The following ULK4 variants were observed in gnomAD, a reference collection of about 807,000 sequenced individuals.
ULK4 encodes the protein inactive serine/threonine-protein kinase ULK4.
In ULK4, 133 loss-of-function variants were observed where a neutral mutation model predicts 160.6. That is an observed-to-expected ratio of 0.83 (90% confidence interval 0.72 to 0.96). The LOEUF is 0.96. Among genes scored for constraint, ULK4 ranks in the 40% least tolerant of loss-of-function variants. ULK4 has a pLI of 0.00. For synonymous variants in ULK4, 534 were observed against 539.8 expected, an observed-to-expected ratio of 0.99 and a Z score of 0.15; for missense variants, 1,580 against 1,499.5, an observed-to-expected ratio of 1.05 and a Z score of -0.89.
At chr3:41,667,787 G>A (rs1459851746) in intron 29 of ULK4, among the ~76,000 whole-genome samples, 4 of 152,150 alleles carry the variant, frequency 2.6e-5, no homozygotes, top group Non-Finnish European at 5.9e-5. Context: ...GATCCAGGCA[G>A]GAAAGACCAT....
intron 3 of ULK4, chr3:41,937,170 T>C: frequency 2.2e-6 from 1 of 458,818 alleles, no homozygotes. Context: ...GGTTTTATTT[T>C]GTTTTGGTGG....
chr3:41,792,129 G>A (rs2040168341), intron 20 of ULK4, among the ~76,000 whole-genome samples: 1 of 152,116 alleles, frequency 6.6e-6, no homozygotes, highest in Admixed American at 6.6e-5. Flanking sequence ...CAAATTGCAT[G>A]AGTTTTGGTA....
At chr3:41,631,697 A>G (rs929946252) in intron 30 of ULK4, among the ~76,000 whole-genome samples, 8 of 152,180 alleles carry the variant, frequency 5.3e-5, no homozygotes, top group African/African-American at 1.9e-4. Flanking sequence ...CACCTGTTGA[A>G]CAAAATAAGG....
chr3:41,344,684 C>T (rs2080759425), intron 35 of ULK4, among the ~76,000 whole-genome samples: 1 of 131,704 alleles, frequency 7.6e-6, no homozygotes, highest in Non-Finnish European at 1.5e-5. Flanking sequence ...ACTCGGGGGG[C>T]AAAGGTTGCA....
At chr3:41,544,534 T>A (rs964196948) in intron 32 of ULK4, among the ~76,000 whole-genome samples, 1 of 152,218 alleles carries the variant, frequency 6.6e-6, no homozygotes, top group Admixed American at 6.5e-5. Context: ...AGGAATAAAT[T>A]AGGAGTTTTG....
chr3:41,784,670 A>G (rs996277372), intron 21 of ULK4, among the ~76,000 whole-genome samples: 2 of 152,242 alleles, frequency 1.3e-5, no homozygotes, highest in Non-Finnish European at 2.9e-5. Context: ...CTCATGATGC[A>G]AATGGCTACT....
chr3:41,796,437 A>T (rs1402717738), intron 20 of ULK4, among the ~76,000 whole-genome samples: 2 of 152,154 alleles, frequency 1.3e-5, no homozygotes, highest in South Asian at 4.2e-4. Context: ...AAAAACTACA[A>T]AAAAATTAAC....
At chr3:41,916,912 T>C (rs971238005) in intron 7 of ULK4, among the ~76,000 whole-genome samples, 5 of 151,984 alleles carry the variant, frequency 3.3e-5, no homozygotes, top group Admixed American at 1.3e-4. Context: ...TTCACCATGA[T>C]AGTCAGGCTG....
chr3:41,764,222 C>T (rs1379282052), intron 21 of ULK4, among the ~76,000 whole-genome samples: 2 of 152,146 alleles, frequency 1.3e-5, no homozygotes, highest in African/African-American at 2.4e-5. Flanking sequence ...TATTTAAATA[C>T]ATTTTCTTAA....
At chr3:41,565,001 C>T (rs978609243) in intron 32 of ULK4, among the ~76,000 whole-genome samples, 7 of 152,134 alleles carry the variant, frequency 4.6e-5, no homozygotes, top group African/African-American at 1.2e-4. Context: ...ATTCACAATA[C>T]TTCTAAGTTT....
intron 19 of ULK4, among the ~76,000 whole-genome samples, chr3:41,817,476 A>T (rs994137727): frequency 6.6e-6 from 1 of 152,230 alleles, no homozygotes; most frequent in South Asian, 2.1e-4. Flanking sequence ...TTGCAACAAC[A>T]TGGATGCAGC....
At chr3:41,277,211 C>T (rs1158078880) in intron 35 of ULK4, among the ~76,000 whole-genome samples, 2 of 152,124 alleles carry the variant, frequency 1.3e-5, no homozygotes, top group Middle Eastern at 3.2e-3. Context: ...CACTATCCCA[C>T]AAGATAACAA....
chr3:41,437,037 C>T (rs2083052369), intron 34 of ULK4, among the ~76,000 whole-genome samples: 2 of 152,154 alleles, frequency 1.3e-5, no homozygotes, highest in Non-Finnish European at 2.9e-5. Flanking sequence ...TATCTAGCTG[C>T]TTATTTTGGA....
chr3:41,670,333 G>A (rs1213986779), intron 29 of ULK4, among the ~76,000 whole-genome samples: 1 of 152,082 alleles, frequency 6.6e-6, no homozygotes, highest in African/African-American at 2.4e-5. Flanking sequence ...TGAACTAGAT[G>A]ACATCTTTAG....
At chr3:41,739,717 T>C (rs2038178873) in intron 22 of ULK4, among the ~76,000 whole-genome samples, 1 of 151,860 alleles carries the variant, frequency 6.6e-6, no homozygotes, top group Non-Finnish European at 1.5e-5. Flanking sequence ...AGATGACATG[T>C]TTCTCCAAAT....
chr3:41,850,092 G>C (rs928724210), intron 17 of ULK4, among the ~76,000 whole-genome samples: 1 of 152,110 alleles, frequency 6.6e-6, no homozygotes, highest in African/African-American at 2.4e-5. Flanking sequence ...ATAATTTGCT[G>C]AGAATGATGG....
rs1000998446 is a variant in ULK4, at chr3:41,704,236, G to C, written c.2781+821C>G. On this transcript the variant is annotated intron_variant, in intron 27 of 36. Coordinates refer to ENST00000301831, the MANE Select transcript of ULK4 (RefSeq NM_017886.4). ...CTTGGGTCAAATGCTAAATGGGACA[G>C]AACACTGGAAACAGGCATGAGCTGG... is the stretch of plus-strand genomic sequence containing the variant. Among the ~76,000 whole-genome samples the C allele has an allele frequency of 3.9e-5, 6 of 152,280 alleles. No individual in the cohort carries two copies. The South Asian group carries it at 6.2e-4, about 16-fold the overall frequency.
intron 35 of ULK4, among the ~76,000 whole-genome samples, chr3:41,387,504 C>T (rs2081845270): frequency 6.6e-6 from 1 of 152,084 alleles, no homozygotes; most frequent in Non-Finnish European, 1.5e-5. Context: ...GGTATATCTC[C>T]TAATGCTATC....
At chr3:41,855,703 T>C (rs1486487221) in intron 17 of ULK4, among the ~76,000 whole-genome samples, 6 of 152,228 alleles carry the variant, frequency 3.9e-5, no homozygotes, top group Admixed American at 1.3e-4. Context: ...GGAAGCTCAC[T>C]TTAAATTGCA....
Sources: allele counts gnomAD v4.1 joint callset (sites outside exome capture counted in the v4.1 genomes callset), GRCh38; gene constraint gnomAD v4.1.1; transcripts MANE v1.5; gene names NCBI Gene and HGNC (gene_info 2026-07-23, HGNC 2026-07-21).